DPYSL2: variants seen among roughly 807,000 people sequenced by gnomAD.
DPYSL2 encodes the protein dihydropyrimidinase like 2, also known as dihydropyrimidinase-related protein 2.
A neutral mutation model predicts 69.9 loss-of-function variants in DPYSL2; 13 were observed. The observed-to-expected ratio is 0.19, with a 90% confidence interval of 0.12 to 0.30. The LOEUF (loss-of-function observed/expected upper bound fraction) is 0.30. DPYSL2 is among the 10% of genes least tolerant of loss of function. The pLI, the probability that DPYSL2 is intolerant of heterozygous loss-of-function variation, is 1.00. For synonymous variants in DPYSL2, 326 were observed against 359.1 expected, an observed-to-expected ratio of 0.91 and a Z score of 1.04; for missense variants, 587 against 918.9, an observed-to-expected ratio of 0.64 and a Z score of 4.67.
At chr8:26,549,226 A>C (rs116970464) in intron 1 of DPYSL2, among the ~76,000 whole-genome samples, 3,139 of 145,476 alleles carry the variant, frequency 0.022, 39 homozygotes, top group South Asian at 0.067. Context: ...TAATAATAAT[A>C]ATCAAAAGGA....
chr8:26,529,276 C>CATCTATCTATCTATCT (rs1554531947), intron 1 of DPYSL2, among the ~76,000 whole-genome samples: 10 of 136,288 alleles, frequency 7.3e-5, no homozygotes, highest in African/African-American at 2.8e-4. Context: ...ATCTATCTAT[C>CATCTATCTATCTATCT]ATCTATCTAT....
In DPYSL2 at chr8:26,626,577, T is replaced by A. The variant is rs1471552236; in HGVS notation, c.794-40T>A. 1 of 1,593,488 alleles carries A rather than the reference T, an allele frequency of 6.3e-7. No individual in the cohort carries two copies. Among genetic ancestry groups the A allele is most frequent in the South Asian group, 1.1e-5 (1 of 90,508 alleles). Reference sequence around the variant, plus strand: ...TTATCCCTTATTTGGTTATTTGGTTTATCTATTAAAAGTCCACTTCTCTAT... The same window carrying A: ...TTATCCCTTATTTGGTTATTTGGTTAATCTATTAAAAGTCCACTTCTCTAT... On this transcript the variant is annotated intron_variant, in intron 4 of 13. Transcript: ENST00000521913. The surrounding 1 kb of genome is among the most constrained non-coding windows in gnomAD (Gnocchi z 4.3).
chr8:26,655,158 C>T (rs2130004873), intron 13 of DPYSL2, among the ~76,000 whole-genome samples: 1 of 152,130 alleles, frequency 6.6e-6, no homozygotes, highest in Non-Finnish European at 1.5e-5. Flanking sequence ...CTGCTCTCCA[C>T]CTCCCTTCTG....
intron 1 of DPYSL2, among the ~76,000 whole-genome samples, chr8:26,559,180 C>A (rs962259323): frequency 1.5e-4 from 23 of 152,108 alleles, no homozygotes; most frequent in African/African-American, 5.3e-4. Context: ...TGAGCTCAGG[C>A]AACCCACTCG....
intron 1 of DPYSL2, among the ~76,000 whole-genome samples, chr8:26,569,940 C>T (rs1801212113): frequency 6.6e-6 from 1 of 152,128 alleles, no homozygotes; most frequent in East Asian, 1.9e-4. Flanking sequence ...CGCGGTGGCT[C>T]ACACCTGTAA....
intron 7 of DPYSL2, among the ~76,000 whole-genome samples, chr8:26,628,444 C>T (rs1445943492): frequency 6.6e-6 from 1 of 152,182 alleles, no homozygotes; most frequent in South Asian, 2.1e-4. Context: ...AGATTCAGAG[C>T]AGGGGCCTGT....
Position 26,656,859 on chromosome 8 carries a change from A to G in DPYSL2, c.*1153A>G, listed in dbSNP as rs1803404346. ...GGTATGAGGCTGCAGAACCGGAGAGATTTTCCTCTGTGCAGTGCTCTCTGG... is the reference window on the plus strand; with the variant it reads ...GGTATGAGGCTGCAGAACCGGAGAGGTTTTCCTCTGTGCAGTGCTCTCTGG... On this transcript the variant is annotated 3_prime_UTR_variant, in exon 14 of 14. Transcript: ENST00000521913. 6.6e-6 allele frequency: 1 copy of G among 152,352 alleles called. No individual in the cohort carries two copies. The highest frequency in any genetic ancestry group is 1.5e-5 in the Non-Finnish European group (1 of 68,056). 9.4% of individuals were successfully genotyped at this position (152,352 alleles called of 1,614,324 possible).
Position 26,650,721 on chromosome 8 carries a change from A to G in DPYSL2, c.1597-1536A>G, listed in dbSNP as rs1803264709. The stretch of plus-strand genomic sequence containing the variant: ...TTATTATGGCATCTCTGGGGAGACC[A>G]TCTGCTGTGCAGACAGGGGTGGCAG... On this transcript the variant is annotated intron_variant, in intron 11 of 13. Coordinates refer to ENST00000521913, the MANE Select transcript of DPYSL2 (RefSeq NM_001197293.3). The surrounding 1 kb of genome is among the most constrained non-coding windows in gnomAD (Gnocchi z 5.3). Among the ~76,000 whole-genome samples, 1 of 152,206 alleles carries G rather than the reference A, an allele frequency of 6.6e-6. No homozygotes were observed. The highest frequency in any genetic ancestry group is 6.5e-5 in the Admixed American group (1 of 15,278).
At chr8:26,645,321 G>A (rs1393206143) in intron 10 of DPYSL2, among the ~76,000 whole-genome samples, 1 of 152,074 alleles carries the variant, frequency 6.6e-6, no homozygotes, top group African/African-American at 2.4e-5. Context: ...GATCACCTGA[G>A]CCTTGGGAGG....
At chr8:26,545,781 A>G (rs1800757865) in intron 1 of DPYSL2, among the ~76,000 whole-genome samples, 1 of 152,010 alleles carries the variant, frequency 6.6e-6, no homozygotes, top group African/African-American at 2.4e-5. Context: ...AAAAAAAATA[A>G]TCTCAGCATT....
At chr8:26,577,844 A>ATCGC in intron 1 of DPYSL2, 1 of 1,047,188 alleles carries the variant, frequency 9.5e-7, no homozygotes, top group Non-Finnish European at 1.2e-6. Flanking sequence ...ATCGCGGCCA[A>ATCGC]TCGCTGCTCG....
intron 1 of DPYSL2, among the ~76,000 whole-genome samples, chr8:26,540,636 T>C (rs1217476806): frequency 1.3e-5 from 2 of 152,216 alleles, no homozygotes; most frequent in Non-Finnish European, 2.9e-5. Context: ...CCAGGCATGG[T>C]GGCTCACACC....
chr8:26,625,556 G>A (rs764462672), intron 4 of DPYSL2, among the ~76,000 whole-genome samples: 3 of 152,202 alleles, frequency 2.0e-5, no homozygotes, highest in Non-Finnish European at 4.4e-5. Flanking sequence ...TGTGATGAAT[G>A]TTGGGCAGGG....
rs1447678334 is a variant in DPYSL2, at chr8:26,627,969, A to G, written c.1005+29A>G. The G allele has an allele frequency of 2.5e-6, 4 of 1,608,864 alleles. No individual in the cohort carries two copies. Among genetic ancestry groups the G allele is most frequent in the Non-Finnish European group, 3.4e-6 (4 of 1,178,064 alleles). On this transcript the variant is annotated intron_variant, in intron 7 of 13. Transcript: ENST00000521913. The surrounding 1 kb of genome is among the most constrained non-coding windows in gnomAD (Gnocchi z 6.9). ...AATGTTCACCAAGCGGAATGCGTGA[A>G]TCAGTGTCCCTTGGGCACTGTGCAG...
At chr8:26,539,382 T>C (rs1210945376) in intron 1 of DPYSL2, among the ~76,000 whole-genome samples, 4 of 152,192 alleles carry the variant, frequency 2.6e-5, no homozygotes, top group South Asian at 2.1e-4. Context: ...CAAAAAAATA[T>C]TTAAACGGTG....
intron 3 of DPYSL2, among the ~76,000 whole-genome samples, chr8:26,604,645 T>C (rs327229): frequency 0.88 from 133,492 of 152,006 alleles, 58,977 homozygotes; most frequent in East Asian, 0.98. Flanking sequence ...ACCTACTCCC[T>C]GTCAAGTCTT....
Position 26,654,364 on chromosome 8 carries a change from T to C in DPYSL2, c.1942+967T>C, listed in dbSNP as rs908299836. ...GTCCCATGACTAGAACATTCCACTC[T>C]TCCAGCTCCCTGGGCCACAGATTCC... On this transcript the variant is annotated intron_variant, in intron 13 of 13. Transcript: ENST00000521913. This position sits in a 1 kb window ranked among gnomAD's most constrained non-coding sequence, Gnocchi z 5.0. Among the ~76,000 whole-genome samples, 4 of 152,160 alleles carry C rather than the reference T, an allele frequency of 2.6e-5. No homozygotes were observed. Among genetic ancestry groups the C allele is most frequent in the African/African-American group, 9.7e-5 (4 of 41,438 alleles).
At chr8:26,563,816 A>G (rs1429929996) in intron 1 of DPYSL2, among the ~76,000 whole-genome samples, 1 of 152,196 alleles carries the variant, frequency 6.6e-6, no homozygotes, top group African/African-American at 2.4e-5. Flanking sequence ...CCCTTGGCAC[A>G]TAGAAGGCAC....
rs74532351 is a variant in DPYSL2 at position 26,649,545 on chromosome 8, C to T, written c.1596+1745C>T. ...ATGGAAGAAATGTTGACTTTCAAAG[C>T]GGTGCTTTTCCATCCCCACCTGTTT... On this transcript the variant is annotated intron_variant, in intron 11 of 13. Transcript: ENST00000521913. Among the ~76,000 whole-genome samples the T allele has an allele frequency of 2.9e-3, 438 of 152,286 alleles. 12 individuals are homozygous for T. In the East Asian group the frequency reaches 0.075, roughly 26 times the overall value.
Sources: gnomAD v4.1 joint callset for allele counts (sites outside exome capture counted in the v4.1 genomes callset) on GRCh38, gnomAD v4.1.1 for gene constraint, Gnocchi (gnomAD v3.1) non-coding constraint, MANE v1.5 for transcripts, NCBI Gene and HGNC (gene_info 2026-07-23, HGNC 2026-07-21) for gene names.